The following HELB variants were observed in gnomAD, a reference collection of about 807,000 sequenced individuals.
The protein encoded by HELB is DNA 5'-3' helicase B.
In HELB, 96 loss-of-function variants were observed where a neutral mutation model predicts 101.7. The ratio of observed to expected loss-of-function variants is 0.94; its 90% CI spans 0.80 to 1.12. The LOEUF is 1.12. Among genes scored for constraint, HELB ranks in the 50% most tolerant of loss-of-function variants. The pLI, the probability that HELB is intolerant of heterozygous loss-of-function variation, is 0.00. For synonymous variants in HELB, 437 were observed against 459.7 expected (o/e 0.95, Z 0.63); for missense variants, 1,210 against 1,291.9 (o/e 0.94, Z 0.97).
chr12:66,331,087 C>A, intron 11 of HELB, 67 bp from the exon 12 acceptor site: 2 of 1,510,996 alleles, frequency 1.3e-6, no homozygotes, highest in South Asian at 1.3e-5. Context: ...TGTCTCCTTT[C>A]CTTGTCTGTA....
chr12:66,337,996 A>G lies in HELB; in HGVS notation c.3163-5A>G. On this transcript the variant is annotated splice_polypyrimidine_tract_variant and splice_region_variant and intron_variant, in intron 12 of 12. Coordinates refer to ENST00000247815, the MANE Select transcript of HELB (RefSeq NM_001370285.1). The stretch of plus-strand genomic sequence containing the variant: ...TTAACTTTGTTATTTTAATTGTTCT[A>G]ACAGGTGGGAGAATCTCCACAAGTG... 6.7e-7 allele frequency: 1 copy of G among 1,500,378 alleles called. No homozygotes were observed. Among genetic ancestry groups the G allele is most frequent in the Non-Finnish European group, 9.3e-7 (1 of 1,080,306 alleles). 92.9% of individuals were successfully genotyped at this position (1,500,378 alleles called of 1,614,324 possible).
rs1267788399 is a variant in HELB, at chr12:66,310,018, G to A, written c.1090G>A (p.Ala364Thr). 9.3e-6 allele frequency: 15 copies of A among 1,614,024 alleles called. No homozygotes were observed. The highest frequency in any genetic ancestry group is 3.3e-4 in the Middle Eastern group (2 of 6,084). ...CCTTTACCATGCTGAAAGAGCCATC[G>A]CCTTTTCAATTTGTGACCTGATGAA... is the stretch of plus-strand genomic sequence containing the variant. ...YDLYHAERAI[A>T]FSICDLMKKP... The change falls in exon 4 of 13, where the codon GCC becomes ACC. Residue 364 changes from alanine (A) to threonine (T), a missense_variant. This residue lies in a region of HELB where 470 missense variants were observed against 563.1 expected (regional missense o/e 0.83). Coordinates refer to ENST00000247815, the MANE Select transcript of HELB (RefSeq NM_001370285.1).
At chr12:66,325,940 T>C (rs2053732235) in intron 11 of HELB, among the ~76,000 whole-genome samples, 1 of 152,226 alleles carries the variant, frequency 6.6e-6, no homozygotes. Flanking sequence ...AGTTTTCATA[T>C]ACCTTTCACC....
chr12:66,320,598 G>A (rs1039153682), intron 7 of HELB, among the ~76,000 whole-genome samples: 2 of 152,100 alleles, frequency 1.3e-5, no homozygotes, highest in Non-Finnish European at 2.9e-5. Flanking sequence ...GCATTAATGA[G>A]AATGTACTTT....
intron 12 of HELB, 34 bp downstream of exon 12, chr12:66,331,679 T>C (rs2053811159): frequency 1.3e-6 from 2 of 1,559,120 alleles, no homozygotes; most frequent in African/African-American, 2.7e-5. Context: ...CCAAGTTTTA[T>C]TTAAATATCG....
chr12:66,313,046 A>G (rs1055246965), intron 4 of HELB, among the ~76,000 whole-genome samples: 2 of 152,174 alleles, frequency 1.3e-5, no homozygotes, highest in African/African-American at 4.8e-5. Flanking sequence ...AAGATAATAA[A>G]TTGAATATAT....
chr12:66,302,509 T>C lies in HELB; in HGVS notation c.-95T>C, dbSNP rs1592626727. 4.3e-6 allele frequency: 5 copies of C among 1,162,612 alleles called. No individual in the cohort carries two copies. Among genetic ancestry groups the C allele is most frequent in the South Asian group, 3.8e-5 (2 of 52,470 alleles). 72.0% of individuals were successfully genotyped at this position (1,162,612 alleles called of 1,614,324 possible). ...GCGGCCGCCAGGCCGTTCCCGGAAG[T>C]TGATGGCCTTACAGTCGTAGAACTG... On this transcript the variant is annotated 5_prime_UTR_variant, in exon 1 of 13. Transcript: ENST00000247815.
chr12:66,314,229 C>T (rs2053576049), intron 5 of HELB, 66 bp downstream of exon 5: 12 of 1,403,130 alleles, frequency 8.6e-6, no homozygotes, highest in Non-Finnish European at 1.1e-5. Flanking sequence ...TGGTTGTTTA[C>T]ACCATTTAGT....
intron 2 of HELB, among the ~76,000 whole-genome samples, chr12:66,305,420 C>T (rs138050113): frequency 3.2e-4 from 48 of 152,126 alleles, no homozygotes; most frequent in Admixed American, 7.2e-4. Context: ...GTATTCACAG[C>T]GATTACCTTG....
Position 66,322,575 on chromosome 12 carries a change from A to G in HELB, c.2238-149A>G, listed in dbSNP as rs2053683239. 3 of 498,054 alleles carry G rather than the reference A, an allele frequency of 6.0e-6. No individual in the cohort carries two copies. In the Admixed American group the frequency reaches 1.1e-4, roughly 18 times the overall value. The allele number at this position is 498,054 out of a possible 1,614,324, so 30.9% of individuals were successfully genotyped here. A position where few individuals can be genotyped will look rare whatever the true frequency, so the allele number is the denominator to read the frequency against. On this transcript the variant is annotated intron_variant, in intron 8 of 12. Transcript: ENST00000247815. ...AGCGAGACGCTGTCTCAAAAAAAAA[A>G]AAAAAAAGATAAAAAGTAGAAAAAT...
At chr12:66,333,550 G>C (rs1204711221) in intron 12 of HELB, among the ~76,000 whole-genome samples, 1 of 152,018 alleles carries the variant, frequency 6.6e-6, no homozygotes, top group African/African-American at 2.4e-5. Flanking sequence ...GCCAGGCATG[G>C]TGGCAGTCAC....
chr12:66,306,485 A>T lies in HELB; in HGVS notation c.748A>T (p.Thr250Ser). The change falls in exon 3 of 13, where the codon ACA (threonine) becomes TCA (serine). Residue 250 changes from threonine (T) to serine (S), a missense_variant. Thr to Ser is a moderately conservative substitution (Grantham distance 58). Coordinates refer to ENST00000247815, the MANE Select transcript of HELB (RefSeq NM_001370285.1). The part of the protein sequence containing the change: ...MLKEIEEILG[T>S]HPWKLGFSKI... ...GAAAGAGATAGAAGAGATTTTAGGT[A>T]CACATCCGTGGAAACTTGGATTTAG... The T allele has an allele frequency of 1.3e-6, 2 of 1,593,188 alleles. No homozygotes were observed. Among genetic ancestry groups the T allele is most frequent in the Non-Finnish European group, 1.7e-6 (2 of 1,170,482 alleles).
Position 66,304,975 on chromosome 12 carries a change from T to C in HELB, c.432T>C (p.Phe144=), listed in dbSNP as rs147594280. 5 of 1,613,852 alleles carry C rather than the reference T, an allele frequency of 3.1e-6. No individual in the cohort carries two copies. The highest frequency in any genetic ancestry group is 4.2e-6 in the Non-Finnish European group (5 of 1,179,922). ...CEVSSDDVNK[F]LTWVKEVSNY... is the part of the protein sequence containing the mutation. ...TCTCCAGTGATGATGTTAATAAATT[T>C]TTAACATGGGTAAAGGAGGTATCAA... The change falls in exon 2 of 13, where the codon TTT becomes TTC. Residue 144 remains phenylalanine, a synonymous_variant. Coordinates refer to ENST00000247815, the MANE Select transcript of HELB (RefSeq NM_001370285.1).
Position 66,304,985 on chromosome 12 carries a change from G to C in HELB, c.442G>C (p.Val148Leu), listed in dbSNP as rs775619811. 38 of 1,613,916 alleles carry C rather than the reference G, an allele frequency of 2.4e-5. 2 individuals carry two copies. The South Asian group carries it at 4.0e-4, about 17-fold the overall frequency. ...SDDVNKFLTW[V>L]KEVSNYKNLN... is the part of the protein sequence containing the mutation. ...TGATGTTAATAAATTTTTAACATGG[G>C]TAAAGGAGGTATCAAACTACAAAAA... Residue 148 changes from valine to leucine, a missense_variant, in exon 2 of 13, where the codon GTA becomes CTA. By Grantham distance (32) the Val-to-Leu change is conservative. This residue lies in a region of HELB where 470 missense variants were observed against 563.1 expected (regional missense o/e 0.83). Transcript: ENST00000247815.
chr12:66,331,528 A>C lies in HELB; in HGVS notation c.3045A>C (p.Glu1015Asp). 6.2e-7 allele frequency: 1 copy of C among 1,614,170 alleles called. No homozygotes were observed. The highest frequency in any genetic ancestry group is 8.5e-7 in the Non-Finnish European group (1 of 1,180,028). Residue 1015 changes from glutamate to aspartate, a missense_variant, in exon 12 of 13, where the codon GAA becomes GAC. By Grantham distance (45) the Glu-to-Asp change is conservative. Around this residue, in one of 2 missense-constraint regions of HELB, gnomAD observed 740 missense variants for 728.8 expected, o/e 1.02. Transcript: ENST00000247815. ...ATGAGAGGACACTCACCTTTGCTGA[A>C]AGATGGCAATTATCTTCACCTGATG... ...SPDERTLTFA[E>D]RWQLSSPDGV... is the part of the protein sequence containing the mutation.
intron 1 of HELB, among the ~76,000 whole-genome samples, chr12:66,304,295 T>G (rs537959413): frequency 0.015 from 1,870 of 121,724 alleles, 16 homozygotes; most frequent in Middle Eastern, 0.03. Context: ...TCTAAGTAAG[T>G]GATAGTTAAG....
intron 6 of HELB, among the ~76,000 whole-genome samples, chr12:66,317,319 C>T (rs1045902739): frequency 1.3e-5 from 2 of 152,180 alleles, no homozygotes; most frequent in Non-Finnish European, 2.9e-5. Flanking sequence ...CTAGAATTTT[C>T]AAAACCTACT....
At chr12:66,329,163 G>A (rs763506982) in intron 11 of HELB, among the ~76,000 whole-genome samples, 2 of 152,210 alleles carry the variant, frequency 1.3e-5, no homozygotes, top group Non-Finnish European at 2.9e-5. Flanking sequence ...ATTATTTATA[G>A]CAGGTTATCA....
chr12:66,302,608 C>T lies in HELB; in HGVS notation c.5C>T (p.Ala2Val), dbSNP rs772339747. 1 of 1,613,024 alleles carries T rather than the reference C, an allele frequency of 6.2e-7. No homozygotes were observed. M[A>V]RSSPYLRQLQ... ...TGGGTTGAGTTCAGGAGAAGCATGG[C>T]CAGGTCGAGTCCGTACCTGCGCCAA... Residue 2 changes from alanine (A) to valine (V), a missense_variant, in exon 1 of 13, where the codon GCC becomes GTC. By Grantham distance (64) the Ala-to-Val change is moderately conservative. Around this residue, in one of 2 missense-constraint regions of HELB, gnomAD observed 470 missense variants for 563.1 expected, o/e 0.83. Transcript: ENST00000247815.
Sources: allele counts gnomAD v4.1 joint callset (sites outside exome capture counted in the v4.1 genomes callset), GRCh38; gene constraint gnomAD v4.1.1; regional missense constraint gnomAD v4.1.1; transcripts MANE v1.5; gene names NCBI Gene and HGNC (gene_info 2026-07-23, HGNC 2026-07-21).